SEMA6D: variants seen among roughly 807,000 people sequenced by gnomAD.
SEMA6D encodes the protein semaphorin-6D.
Under a neutral mutation model 106.6 loss-of-function variants are expected in SEMA6D, and 35 were observed. The observed-to-expected ratio is 0.33, with a 90% CI of 0.25 to 0.44. The LOEUF is 0.44. Among genes scored for constraint, SEMA6D ranks in the 20% least tolerant of loss-of-function variants. SEMA6D has a pLI of 1.00. For synonymous variants in SEMA6D, 499 were observed against 487.7 expected (o/e 1.02, Z -0.31); for missense variants, 1,185 against 1,345.9 (o/e 0.88, Z 1.87).
chr15:47,466,547 C>G (rs1262344821), intron 2 of SEMA6D, among the ~76,000 whole-genome samples: 2 of 152,026 alleles, frequency 1.3e-5, no homozygotes, highest in African/African-American at 2.4e-5. Flanking sequence ...TTTTCTTTAT[C>G]CAGTCATCTC....
intron 1 of SEMA6D, among the ~76,000 whole-genome samples, chr15:47,395,147 A>G (rs1344010477): frequency 6.6e-6 from 1 of 152,224 alleles, no homozygotes; most frequent in Admixed American, 6.5e-5. Context: ...AGAAAACTAA[A>G]AAAGACAAAG....
chr15:47,518,842 G>A (rs1313460554), intron 3 of SEMA6D, among the ~76,000 whole-genome samples: 2 of 152,098 alleles, frequency 1.3e-5, no homozygotes, highest in African/African-American at 4.8e-5. Context: ...GGATAACAAT[G>A]CTTTCTTCTG....
rs190619350 is a variant in SEMA6D, at chr15:47,296,462, A to G, written c.-239+112044A>G. On this transcript the variant is annotated intron_variant, in intron 1 of 19. Coordinates refer to the SEMA6D transcript ENST00000558014. ...ACAAAAACCCATGGCTGTGTGTGCAACTGAGCCTGTCCAGATAACCAGCTG... is the reference window on the plus strand; with the variant it reads ...ACAAAAACCCATGGCTGTGTGTGCAGCTGAGCCTGTCCAGATAACCAGCTG... 1.8e-4 allele frequency among the ~76,000 whole-genome samples: 27 copies of G among 152,362 alleles called. No individual in the cohort carries two copies. In the East Asian group the frequency reaches 4.8e-3, roughly 27 times the overall value.
intron 3 of SEMA6D, among the ~76,000 whole-genome samples, chr15:47,583,609 G>A (rs1204203752): frequency 6.6e-6 from 1 of 152,154 alleles, no homozygotes; most frequent in Non-Finnish European, 1.5e-5. Flanking sequence ...TCCTAGGCAT[G>A]GCTTGGCAAT....
intron 4 of SEMA6D, among the ~76,000 whole-genome samples, chr15:47,633,034 T>C (rs1022564681): frequency 6.6e-6 from 1 of 152,118 alleles, no homozygotes; most frequent in African/African-American, 2.4e-5. Context: ...TATTTTCACT[T>C]AGGTTCCTTT....
intron 4 of SEMA6D, among the ~76,000 whole-genome samples, chr15:47,672,781 G>A (rs1364002534): frequency 6.6e-6 from 1 of 151,842 alleles, no homozygotes; most frequent in African/African-American, 2.4e-5. Context: ...TTCTAGTCCA[G>A]GCAATGTATT....
At chr15:47,572,885 G>A (rs753639506) in intron 3 of SEMA6D, among the ~76,000 whole-genome samples, 1 of 151,712 alleles carries the variant, frequency 6.6e-6, no homozygotes. Context: ...AAACAACATC[G>A]CATATGCAGG....
intron 3 of SEMA6D, among the ~76,000 whole-genome samples, chr15:47,508,798 C>T (rs185683071): frequency 2.0e-5 from 3 of 152,310 alleles, no homozygotes; most frequent in African/African-American, 7.2e-5. Flanking sequence ...CCATTTCTTA[C>T]GAGCTTTGTG....
intron 1 of SEMA6D, among the ~76,000 whole-genome samples, chr15:47,386,906 G>A (rs1378255622): frequency 1.3e-5 from 2 of 152,228 alleles, no homozygotes; most frequent in African/African-American, 4.8e-5. Context: ...ATTTGCAAAT[G>A]CAATAGGGGT....
At chr15:47,512,217 TG>T (rs2044254939) in intron 3 of SEMA6D, among the ~76,000 whole-genome samples, 1 of 152,090 alleles carries the variant, frequency 6.6e-6, no homozygotes, top group Non-Finnish European at 1.5e-5. Flanking sequence ...CTCTAGAGGG[TG>T]CTATTTATGT....
chr15:47,411,765 T>C (rs2040806436), intron 1 of SEMA6D, among the ~76,000 whole-genome samples: 1 of 152,174 alleles, frequency 6.6e-6, no homozygotes, highest in East Asian at 1.9e-4. Context: ...ATTTCTTCTG[T>C]GTCTGTGTGG....
intron 1 of SEMA6D, among the ~76,000 whole-genome samples, chr15:47,246,635 C>G (rs1019013174): frequency 6.6e-6 from 1 of 152,204 alleles, no homozygotes; most frequent in Non-Finnish European, 1.5e-5. Context: ...TGACCCTTCT[C>G]CCATCATTGC....
chr15:47,270,867 T>A (rs926423486), intron 1 of SEMA6D, among the ~76,000 whole-genome samples: 5 of 151,674 alleles, frequency 3.3e-5, no homozygotes, highest in African/African-American at 1.2e-4. Flanking sequence ...TGGTGGCGGG[T>A]GCCTGTAATC....
chr15:47,671,255 G>C (rs2078130975), intron 4 of SEMA6D, among the ~76,000 whole-genome samples: 1 of 152,166 alleles, frequency 6.6e-6, no homozygotes, highest in Non-Finnish European at 1.5e-5. Context: ...GGGCAACATA[G>C]GGTTTCCAAG....
chr15:47,291,963 T>C (rs927194895), intron 1 of SEMA6D, among the ~76,000 whole-genome samples: 14 of 152,338 alleles, frequency 9.2e-5, no homozygotes, highest in African/African-American at 4.8e-5. Flanking sequence ...CCTGTTGATA[T>C]GTTTGTAAGA....
chr15:47,707,425 C>T (rs553042246), intron 4 of SEMA6D, among the ~76,000 whole-genome samples: 69 of 152,302 alleles, frequency 4.5e-4, no homozygotes, highest in African/African-American at 1.5e-3. Context: ...TATCTATCAG[C>T]ATTTTCTGTA....
chr15:47,521,287 GA>G (rs2044568140), intron 3 of SEMA6D, among the ~76,000 whole-genome samples: 2 of 152,314 alleles, frequency 1.3e-5, no homozygotes, highest in South Asian at 4.1e-4. Flanking sequence ...GCATTCTATG[GA>G]AGCATCAGGC....
chr15:47,240,802 T>G (rs2032859526), intron 1 of SEMA6D, among the ~76,000 whole-genome samples: 1 of 152,184 alleles, frequency 6.6e-6, no homozygotes, highest in Non-Finnish European at 1.5e-5. Context: ...GCCAAACATT[T>G]TGAGATCATC....
chr15:47,519,377 T>G (rs1419463475), intron 3 of SEMA6D, among the ~76,000 whole-genome samples: 4 of 152,158 alleles, frequency 2.6e-5, no homozygotes, highest in Non-Finnish European at 5.9e-5. Flanking sequence ...TATAATCTCA[T>G]GCAACCACTG....
Sources: allele counts gnomAD v4.1 joint callset (sites outside exome capture counted in the v4.1 genomes callset), GRCh38; gene constraint gnomAD v4.1.1; transcripts MANE v1.5; gene names NCBI Gene and HGNC (gene_info 2026-07-23, HGNC 2026-07-21).